Variants in CLVS1 observed in about 807,000 individuals in gnomAD.
CLVS1 encodes clavesin 1, also known as clavesin-1.
CLVS1 carries 10 observed loss-of-function variants against 33.1 expected under a neutral mutation model. The ratio of observed to expected loss-of-function variants is 0.30; its 90% CI spans 0.19 to 0.51. CLVS1 has a LOEUF of 0.51. CLVS1 is among the 20% of genes least tolerant of loss of function. The pLI, the probability that CLVS1 is intolerant of heterozygous loss-of-function variation, is 0.97. For missense variants in CLVS1, 343 were observed against 433.4 expected (o/e 0.79, Z 1.85); for synonymous variants, 163 against 166.1 (o/e 0.98, Z 0.14).
intron 2 of CLVS1, among the ~76,000 whole-genome samples, chr8:61,341,503 C>G (rs775127513): frequency 2.0e-5 from 3 of 152,222 alleles, no homozygotes; most frequent in Non-Finnish European, 4.4e-5. Context: ...CAGGAACTCA[C>G]GTCCATGTCC....
the CLVS1 span, among the ~76,000 whole-genome samples, chr8:61,030,489 G>A: frequency 1.3e-5 from 2 of 151,990 alleles, no homozygotes; most frequent in African/African-American, 2.4e-5. Flanking sequence ...GCACACATGG[G>A]CATATTCTAC....
intron 5 of CLVS1, among the ~76,000 whole-genome samples, chr8:61,498,511 C>T (rs774629891): frequency 3.3e-5 from 5 of 152,092 alleles, no homozygotes; most frequent in African/African-American, 7.2e-5. Context: ...ATATCTACTG[C>T]GTAGCTCTTT....
chr8:61,213,907 A>G (rs1808028589), intron 2 of CLVS1, among the ~76,000 whole-genome samples: 1 of 152,132 alleles, frequency 6.6e-6, no homozygotes, highest in Non-Finnish European at 1.5e-5. Context: ...ATATCGCTGA[A>G]CTCTTTTTCT....
chr8:61,088,969 T>C (rs1000503615), intron 1 of CLVS1, among the ~76,000 whole-genome samples: 3 of 151,890 alleles, frequency 2.0e-5, no homozygotes. Flanking sequence ...GCCTGGCTAA[T>C]TTTTTTGTAT....
chr8:61,421,367 C>T (rs936766440), intron 3 of CLVS1, among the ~76,000 whole-genome samples: 17 of 152,114 alleles, frequency 1.1e-4, no homozygotes, highest in Admixed American at 9.2e-4. Context: ...AATAAAGCAA[C>T]GATACACTAG....
chr8:61,408,053 G>T (rs908254538), intron 3 of CLVS1, among the ~76,000 whole-genome samples: 1 of 152,150 alleles, frequency 6.6e-6, no homozygotes, highest in Admixed American at 6.5e-5. Context: ...ACAAAAGTCA[G>T]ACACCGGTCC....
At chr8:61,404,998 G>A (rs897345876) in intron 3 of CLVS1, among the ~76,000 whole-genome samples, 2 of 152,208 alleles carry the variant, frequency 1.3e-5, no homozygotes, top group Non-Finnish European at 2.9e-5. Flanking sequence ...AGAACCAACT[G>A]TGGCTCCACT....
chr8:61,457,285 G>A (rs1046615904), intron 4 of CLVS1, among the ~76,000 whole-genome samples: 9 of 152,126 alleles, frequency 5.9e-5, no homozygotes, highest in Non-Finnish European at 8.8e-5. Flanking sequence ...GTGCATGCAT[G>A]TGTGTATACC....
At chr8:61,317,798 G>T (rs1281639714) in intron 2 of CLVS1, among the ~76,000 whole-genome samples, 2 of 152,092 alleles carry the variant, frequency 1.3e-5, no homozygotes, top group African/African-American at 4.8e-5. Context: ...AAATGCTTCA[G>T]CTTGACTCTG....
At chr8:61,499,091 T>C (rs1040425346) in intron 5 of CLVS1, among the ~76,000 whole-genome samples, 2 of 152,164 alleles carry the variant, frequency 1.3e-5, no homozygotes, top group African/African-American at 4.8e-5. Context: ...TTTTTTGCCG[T>C]AAAAATGTGG....
upstream of CLVS1, among the ~76,000 whole-genome samples, chr8:61,053,795 T>C (rs908911548): frequency 6.6e-6 from 1 of 152,208 alleles, no homozygotes; most frequent in South Asian, 2.1e-4. Flanking sequence ...TCAGGAAATA[T>C]TGGCTCCTTT....
intron 1 of CLVS1, among the ~76,000 whole-genome samples, chr8:61,090,110 C>CT (rs1805207176): frequency 6.6e-6 from 1 of 152,174 alleles, no homozygotes; most frequent in African/African-American, 2.4e-5. Context: ...CACAGTTTTA[C>CT]TTTTTAGTAC....
Position 61,484,866 on chromosome 8 carries a change from G to A in CLVS1, c.978-14589G>A, listed in dbSNP as rs570799343. Among the ~76,000 whole-genome samples, 1,449 of 152,248 alleles carry A rather than the reference G, an allele frequency of 9.5e-3. 11 individuals are homozygous for A. The highest frequency in any genetic ancestry group is 0.033 in the African/African-American group (1,383 of 41,540). Reference sequence around the variant, plus strand: ...GGAAAGGATTCCCTATTTAATAAATGGTGCTGGGAAAACTGGCTAGCCATA... The same window carrying A: ...GGAAAGGATTCCCTATTTAATAAATAGTGCTGGGAAAACTGGCTAGCCATA... On this transcript the variant is annotated intron_variant, in intron 5 of 5. Transcript: ENST00000325897.
chr8:61,065,337 CT>C (rs1035107899), intron 1 of CLVS1, among the ~76,000 whole-genome samples: 20 of 151,590 alleles, frequency 1.3e-4, no homozygotes, highest in South Asian at 4.2e-4. Context: ...ATACAATCAT[CT>C]TTTTTTTTCC....
intron 5 of CLVS1, among the ~76,000 whole-genome samples, chr8:61,461,933 T>C (rs530128823): frequency 1.3e-3 from 205 of 152,340 alleles, no homozygotes; most frequent in African/African-American, 4.5e-3. Flanking sequence ...CGCCATGTCA[T>C]TTTGTTTTCA....
At chr8:61,250,990 G>C (rs867225405) in intron 2 of CLVS1, among the ~76,000 whole-genome samples, 1 of 152,166 alleles carries the variant, frequency 6.6e-6, no homozygotes, top group African/African-American at 2.4e-5. Context: ...CTTGTCTTGT[G>C]CCAGTTTTCA....
At chr8:61,010,958 C>T in the CLVS1 span, among the ~76,000 whole-genome samples, 1 of 152,230 alleles carries the variant, frequency 6.6e-6, no homozygotes, top group East Asian at 1.9e-4. Context: ...ACACGTTAGG[C>T]GGAAGGACAC....
intron 1 of CLVS1, among the ~76,000 whole-genome samples, chr8:61,059,471 C>CATATATATATATATATATATAT (rs1292747857): frequency 1.4e-3 from 32 of 22,932 alleles, no homozygotes; most frequent in South Asian, 1.9e-3. Context: ...TACATACATA[C>CATATATATATATATATATATAT]ATACATATAT....
At chr8:61,099,113 G>T (rs932655706) in intron 1 of CLVS1, among the ~76,000 whole-genome samples, 1 of 152,158 alleles carries the variant, frequency 6.6e-6, no homozygotes, top group Non-Finnish European at 1.5e-5. Context: ...GTTCATAACT[G>T]AGAAGAGCTA....
Sources: allele counts gnomAD v4.1 joint callset (sites outside exome capture counted in the v4.1 genomes callset), GRCh38; gene constraint gnomAD v4.1.1; transcripts MANE v1.5; gene names NCBI Gene and HGNC (gene_info 2026-07-23, HGNC 2026-07-21).